The following UBE2R2 variants were observed in gnomAD, a reference collection of about 807,000 sequenced individuals.
UBE2R2 encodes the protein ubiquitin conjugating enzyme E2 R2.
Under a neutral mutation model 27.8 loss-of-function variants are expected in UBE2R2, and 1 was observed. The ratio of observed to expected loss-of-function variants is 0.04; its 90% CI spans 0.01 to 0.17. The LOEUF (loss-of-function observed/expected upper bound fraction) is 0.17, where lower values mean the gene tolerates loss of function less well. Ranked by LOEUF, UBE2R2 falls within the 10% of genes least tolerant of loss-of-function variation. UBE2R2 has a pLI of 1.00. For missense variants in UBE2R2, 100 were observed against 291.0 expected (o/e 0.34, Z 4.78); for synonymous variants, 106 against 113.3 (o/e 0.94, Z 0.41).
intron 1 of UBE2R2, among the ~76,000 whole-genome samples, chr9:33,835,970 T>G (rs1238209437): frequency 6.6e-6 from 1 of 152,152 alleles, no homozygotes; most frequent in African/African-American, 2.4e-5. Context: ...AGAAGCTAAG[T>G]GTTGTTTCAA....
chr9:33,866,169 T>G lies in UBE2R2; in HGVS notation c.178-20712T>G, dbSNP rs1321592460. Among the ~76,000 whole-genome samples, 4 of 152,094 alleles carry G rather than the reference T, an allele frequency of 2.6e-5. No individual in the cohort carries two copies. In the South Asian group the frequency reaches 8.3e-4, roughly 32 times the overall value. On this transcript the variant is annotated intron_variant, in intron 1 of 4. Coordinates refer to ENST00000263228, the MANE Select transcript of UBE2R2 (RefSeq NM_017811.4). The stretch of plus-strand genomic sequence containing the variant: ...TTCTAATGTGCTTATCAGTAATTCA[T>G]CCCTGAACTCTGACAGAGTATAAAA...
intron 1 of UBE2R2, among the ~76,000 whole-genome samples, chr9:33,884,198 A>ATCTCTCTC (rs777923492): frequency 0.042 from 2,660 of 63,414 alleles, 217 homozygotes; most frequent in Non-Finnish European, 0.047. Context: ...CAACTTAAGA[A>ATCTCTCTC]TCTCTCTCTC....
chr9:33,869,885 T>C (rs923895434), intron 1 of UBE2R2, among the ~76,000 whole-genome samples: 1 of 152,228 alleles, frequency 6.6e-6, no homozygotes, highest in Admixed American at 6.5e-5. Context: ...TCGCTCTTGT[T>C]GCCCAGGCTG....
intron 1 of UBE2R2, among the ~76,000 whole-genome samples, chr9:33,840,634 C>G (rs1406565773): frequency 1.3e-5 from 2 of 152,106 alleles, no homozygotes; most frequent in African/African-American, 4.8e-5. Flanking sequence ...GTCTGGTTTT[C>G]TCTTTTTTTT....
chr9:33,821,748 T>A (rs1321272722), intron 1 of UBE2R2, among the ~76,000 whole-genome samples: 1 of 151,882 alleles, frequency 6.6e-6, no homozygotes, highest in Non-Finnish European at 1.5e-5. Flanking sequence ...CCCGAGTAGC[T>A]GGGATTACCG....
At chr9:33,873,006 C>G (rs555167000) in intron 1 of UBE2R2, among the ~76,000 whole-genome samples, 1 of 151,856 alleles carries the variant, frequency 6.6e-6, no homozygotes, top group African/African-American at 2.4e-5. Context: ...GAAACCTCAT[C>G]TCTACTAAAA....
In UBE2R2 at chr9:33,900,760, G is replaced by A. The variant is rs577742211; in HGVS notation, c.362+489G>A. Among the ~76,000 whole-genome samples the A allele has an allele frequency of 3.3e-5, 5 of 152,034 alleles. No homozygotes were observed. In the East Asian group the frequency reaches 9.7e-4, roughly 29 times the overall value. On this transcript the variant is annotated intron_variant, in intron 3 of 4. Transcript: ENST00000263228. ...GTATTTAAATTTTTTGTAGAGATGG[G>A]GTCTCACTAAGTTGCCCAGCTGGTC... is the stretch of plus-strand genomic sequence containing the variant.
chr9:33,866,257 G>A (rs1014653668), intron 1 of UBE2R2, among the ~76,000 whole-genome samples: 3 of 122,422 alleles, frequency 2.5e-5, no homozygotes, highest in Non-Finnish European at 3.5e-5. Context: ...TTTTTTTTTT[G>A]AGACAGAGTC....
At chr9:33,857,740 G>A (rs1460691030) in intron 1 of UBE2R2, among the ~76,000 whole-genome samples, 1 of 152,138 alleles carries the variant, frequency 6.6e-6, no homozygotes, top group Non-Finnish European at 1.5e-5. Flanking sequence ...TGAAAGAGTG[G>A]CTGATTAGAC....
At chr9:33,830,696 A>G (rs939440601) in intron 1 of UBE2R2, among the ~76,000 whole-genome samples, 1 of 150,722 alleles carries the variant, frequency 6.6e-6, no homozygotes, top group African/African-American at 2.4e-5. Flanking sequence ...TGAACCCGGG[A>G]GGCAGAGGTT....
intron 2 of UBE2R2, among the ~76,000 whole-genome samples, chr9:33,890,202 T>C (rs951466175): frequency 1.3e-5 from 2 of 152,214 alleles, no homozygotes; most frequent in African/African-American, 4.8e-5. Flanking sequence ...ATAAAATTTT[T>C]TCCATATTCA....
intron 1 of UBE2R2, among the ~76,000 whole-genome samples, chr9:33,854,509 A>G (rs184792397): frequency 7.1e-4 from 108 of 151,458 alleles, no homozygotes; most frequent in Admixed American, 1.6e-3. Flanking sequence ...TTTTGTAGAG[A>G]CGGGGTTTTA....
intron 1 of UBE2R2, among the ~76,000 whole-genome samples, chr9:33,863,303 C>T (rs1369334631): frequency 2.0e-5 from 3 of 151,834 alleles, no homozygotes; most frequent in Non-Finnish European, 2.9e-5. Context: ...GCAGATTCAT[C>T]ACCTGAGGTC....
chr9:33,866,438 C>T (rs1054684858), intron 1 of UBE2R2, among the ~76,000 whole-genome samples: 26 of 152,066 alleles, frequency 1.7e-4, no homozygotes, highest in Non-Finnish European at 3.5e-4. Flanking sequence ...GGAGTTTCAC[C>T]TTGTTGGTCA....
intron 1 of UBE2R2, among the ~76,000 whole-genome samples, chr9:33,837,204 T>C (rs1358484362): frequency 6.6e-6 from 1 of 152,118 alleles, no homozygotes; most frequent in African/African-American, 2.4e-5. Flanking sequence ...AATTAACATA[T>C]CTTTTTCTCT....
chr9:33,877,375 G>A (rs1329560041), intron 1 of UBE2R2, among the ~76,000 whole-genome samples: 1 of 151,786 alleles, frequency 6.6e-6, no homozygotes, highest in Non-Finnish European at 1.5e-5. Context: ...GTAGAGATGG[G>A]GTTACTCCTT....
At chr9:33,909,142 C>T (rs1822429758) in intron 3 of UBE2R2, among the ~76,000 whole-genome samples, 1 of 152,114 alleles carries the variant, frequency 6.6e-6, no homozygotes, top group African/African-American at 2.4e-5. Context: ...TCATCATCAT[C>T]GTCGTCGTCA....
At chr9:33,844,547 G>C (rs1820798636) in intron 1 of UBE2R2, among the ~76,000 whole-genome samples, 1 of 106,720 alleles carries the variant, frequency 9.4e-6, no homozygotes, top group Non-Finnish European at 1.9e-5. Flanking sequence ...TTTACCATCA[G>C]TTGTAATGTT....
intron 2 of UBE2R2, among the ~76,000 whole-genome samples, chr9:33,898,397 G>T (rs1347410415): frequency 6.6e-6 from 1 of 151,922 alleles, no homozygotes; most frequent in African/African-American, 2.4e-5. Flanking sequence ...TCTTTTATCT[G>T]TAGTAACTTT....
Sources: allele counts gnomAD v4.1 joint callset (sites outside exome capture counted in the v4.1 genomes callset), GRCh38; gene constraint gnomAD v4.1.1; transcripts MANE v1.5; gene names NCBI Gene and HGNC (gene_info 2026-07-23, HGNC 2026-07-21).